Variants in UNC79 observed in about 807,000 individuals in gnomAD.
The protein encoded by UNC79 is protein unc-79 homolog.
In UNC79, 37 loss-of-function variants were observed where a neutral mutation model predicts 283.1. The observed-to-expected ratio is 0.13, with a 90% confidence interval of 0.10 to 0.17. The LOEUF is 0.17. UNC79 is among the 10% of genes least tolerant of loss of function. UNC79 has a pLI of 1.00. For synonymous variants in UNC79, 1,107 were observed against 1,200.2 expected, an observed-to-expected ratio of 0.92 and a Z score of 1.61; for missense variants, 2,272 against 3,211.1, an observed-to-expected ratio of 0.71 and a Z score of 7.07.
At chr14:93,556,813 C>A (rs545413622) in intron 14 of UNC79, among the ~76,000 whole-genome samples, 4 of 152,232 alleles carry the variant, frequency 2.6e-5, no homozygotes, top group Admixed American at 2.6e-4. Context: ...TACCATAGAG[C>A]TCTTTAAAAA....
At chr14:93,610,537 T>C (rs1331436879) in intron 26 of UNC79, among the ~76,000 whole-genome samples, 1 of 152,218 alleles carries the variant, frequency 6.6e-6, no homozygotes, top group Non-Finnish European at 1.5e-5. Flanking sequence ...AAAGCAATAA[T>C]GGCCTTCTAG....
intron 32 of UNC79, among the ~76,000 whole-genome samples, chr14:93,640,766 G>A (rs189198970): frequency 1.3e-5 from 2 of 152,320 alleles, no homozygotes; most frequent in Non-Finnish European, 2.9e-5. Context: ...TAGAAATGCA[G>A]TATCATATGG....
At chr14:93,364,075 C>A (rs766423042) in intron 1 of UNC79, among the ~76,000 whole-genome samples, 1 of 152,084 alleles carries the variant, frequency 6.6e-6, no homozygotes, top group Non-Finnish European at 1.5e-5. Flanking sequence ...TCTGTTTTAT[C>A]TGAAATAAGA....
intron 1 of UNC79, among the ~76,000 whole-genome samples, chr14:93,341,524 G>A (rs975648399): frequency 9.9e-5 from 15 of 151,690 alleles, no homozygotes; most frequent in Admixed American, 2.0e-4. Context: ...TAGCACTTTC[G>A]GAGGCTGAGG....
chr14:93,452,375 A>ATTTTTTTTTTTTTTTTTTTTTTTTTTT (rs35284465), intron 1 of UNC79, among the ~76,000 whole-genome samples: 1 of 108,864 alleles, frequency 9.2e-6, no homozygotes, highest in African/African-American at 3.7e-5. Flanking sequence ...GGACTGCATG[A>ATTTTTTTTTTTTTTTTTTTTTTTTTTT]TTTTTTTTTT....
chr14:93,671,550 A>G (rs1420188753), intron 40 of UNC79, among the ~76,000 whole-genome samples: 1 of 152,178 alleles, frequency 6.6e-6, no homozygotes, highest in Non-Finnish European at 1.5e-5. Context: ...AGGCAGGTGG[A>G]TCACCTGAGA....
chr14:93,449,646 C>A (rs1316948185), intron 1 of UNC79, among the ~76,000 whole-genome samples: 11 of 151,730 alleles, frequency 7.2e-5, no homozygotes, highest in Non-Finnish European at 8.8e-5. Flanking sequence ...AAGAAAAAAA[C>A]CAACTTGTAA....
rs1011683369 is a variant in UNC79 at position 93,492,326 on chromosome 14, G to A, written c.713-4085G>A. On this transcript the variant is annotated intron_variant, in intron 5 of 48. Coordinates refer to ENST00000555664, the Ensembl canonical transcript of UNC79. ...TCAGAAAAGATTTTGCGTCACTTGG[G>A]CCAAGGATGAGTTTTAAATTATGGA... is the stretch of plus-strand genomic sequence containing the variant. Among the ~76,000 whole-genome samples the A allele has an allele frequency of 2.6e-5, 4 of 152,242 alleles. No homozygotes were observed. The South Asian group carries it at 8.3e-4, about 32-fold the overall frequency.
chr14:93,611,530 T>C (rs2066302289), intron 26 of UNC79, among the ~76,000 whole-genome samples: 1 of 152,236 alleles, frequency 6.6e-6, no homozygotes, highest in African/African-American at 2.4e-5. Flanking sequence ...GGGCTTGAGA[T>C]AGCAAATTTT....
chr14:93,350,467 AAG>A (rs1555397709), intron 1 of UNC79, among the ~76,000 whole-genome samples: 1 of 152,166 alleles, frequency 6.6e-6, no homozygotes, highest in Non-Finnish European at 1.5e-5. Context: ...ACAAGTAAGA[AAG>A]TAAAAAATGT....
At chr14:93,415,763 C>T (rs1419560494) in intron 1 of UNC79, among the ~76,000 whole-genome samples, 12 of 151,244 alleles carry the variant, frequency 7.9e-5, no homozygotes, top group East Asian at 3.9e-4. Context: ...GTGTATGTGT[C>T]GAGGAATTTA....
At chr14:93,673,305 T>C (rs370910424) in intron 40 of UNC79, 46 bp from the exon 44 acceptor site, 17 of 1,569,728 alleles carry the variant, frequency 1.1e-5, no homozygotes, top group East Asian at 4.5e-5. Flanking sequence ...TATACTCTAA[T>C]TGAATTTCTA....
At chr14:93,373,171 C>A (rs2054489198) in intron 1 of UNC79, among the ~76,000 whole-genome samples, 1 of 152,074 alleles carries the variant, frequency 6.6e-6, no homozygotes, top group Non-Finnish European at 1.5e-5. Context: ...GTAGAGCTTA[C>A]AGGAAATTTT....
At chr14:93,525,371 C>T (rs2060500257) in intron 8 of UNC79, among the ~76,000 whole-genome samples, 1 of 151,986 alleles carries the variant, frequency 6.6e-6, no homozygotes, top group Admixed American at 6.6e-5. Flanking sequence ...ATTACTTGAA[C>T]CAGGGAGGTG....
At chr14:93,335,999 A>G (rs911031424) in intron 1 of UNC79, among the ~76,000 whole-genome samples, 2 of 152,160 alleles carry the variant, frequency 1.3e-5, no homozygotes, top group Admixed American at 6.5e-5. Flanking sequence ...CTGGTCATCT[A>G]TGTTGAAAAT....
intron 33 of UNC79, among the ~76,000 whole-genome samples, chr14:93,642,076 G>T (rs1049138653): frequency 3.9e-5 from 6 of 151,980 alleles, no homozygotes. Context: ...CCTAGTCTTG[G>T]GTATGTCTTT....
upstream of UNC79, among the ~76,000 whole-genome samples, chr14:93,427,935 A>G (rs934476633): frequency 1.3e-5 from 2 of 152,172 alleles, no homozygotes; most frequent in African/African-American, 4.8e-5. Flanking sequence ...AAATATTTCT[A>G]TGTTTGAATT....
At chr14:93,687,023 A>T (rs1214245003) in intron 43 of UNC79, among the ~76,000 whole-genome samples, 1 of 152,210 alleles carries the variant, frequency 6.6e-6, no homozygotes, top group African/African-American at 2.4e-5. Context: ...GTTGAACCCA[A>T]GATTCTTGTG....
intron 1 of UNC79, among the ~76,000 whole-genome samples, chr14:93,361,290 A>G (rs1414748202): frequency 2.0e-5 from 3 of 148,606 alleles, no homozygotes; most frequent in African/African-American, 7.4e-5. Flanking sequence ...GCCTGTTTGG[A>G]TTTTGTAGGC....
Sources: allele counts gnomAD v4.1 joint callset (sites outside exome capture counted in the v4.1 genomes callset), GRCh38; gene constraint gnomAD v4.1.1; transcripts MANE v1.5; gene names NCBI Gene and HGNC (gene_info 2026-07-23, HGNC 2026-07-21).